CACNB4: variants seen among roughly 807,000 people sequenced by gnomAD.
CACNB4 encodes calcium voltage-gated channel auxiliary subunit beta 4.
A neutral mutation model predicts 71.2 loss-of-function variants in CACNB4; 32 were observed. That is an observed-to-expected ratio of 0.45 (90% CI 0.34 to 0.60). CACNB4 has a LOEUF of 0.60. Among genes scored for constraint, CACNB4 ranks in the 20% least tolerant of loss-of-function variants. CACNB4 has a pLI of 0.01. For synonymous variants in CACNB4, 231 were observed against 236.9 expected, an observed-to-expected ratio of 0.97 and a Z score of 0.23; for missense variants, 464 against 647.9, an observed-to-expected ratio of 0.72 and a Z score of 3.08.
chr2:152,084,479 A>C (rs948981886), intron 2 of CACNB4, among the ~76,000 whole-genome samples: 3 of 152,188 alleles, frequency 2.0e-5, no homozygotes, highest in African/African-American at 7.2e-5. Flanking sequence ...CACTTACTGG[A>C]CTCAGAAAAA....
chr2:151,883,870 A>C, intron 2 of CACNB4: 1 of 205,826 alleles, frequency 4.9e-6, no homozygotes. Context: ...ACACTATTGA[A>C]CTCTTTCACT....
intron 3 of CACNB4, among the ~76,000 whole-genome samples, chr2:151,882,579 G>GCAAA (rs112898273): frequency 0.011 from 1,610 of 152,202 alleles, 18 homozygotes; most frequent in African/African-American, 0.036. Flanking sequence ...AAATCAAAAA[G>GCAAA]CAAACAAACA....
chr2:151,973,649 C>T (rs752680467), intron 2 of CACNB4: 2 of 1,610,016 alleles, frequency 1.2e-6, no homozygotes, highest in South Asian at 2.2e-5. Flanking sequence ...AGGGAATTAG[C>T]TATCTATGAA....
At chr2:151,986,280 C>G (rs1681364902) in intron 2 of CACNB4, among the ~76,000 whole-genome samples, 1 of 152,174 alleles carries the variant, frequency 6.6e-6, no homozygotes, top group African/African-American at 2.4e-5. Flanking sequence ...ATGCCTTTTA[C>G]TTATATACCC....
chr2:151,965,737 A>AT (rs1200220744), intron 2 of CACNB4, among the ~76,000 whole-genome samples: 56 of 62,514 alleles, frequency 9.0e-4, no homozygotes, highest in East Asian at 8.0e-3. Flanking sequence ...TTTGCTTTTG[A>AT]TTTTTTTTTT....
intron 2 of CACNB4, among the ~76,000 whole-genome samples, chr2:152,082,451 G>A (rs527367131): frequency 6.6e-6 from 1 of 152,278 alleles, no homozygotes; most frequent in South Asian, 2.1e-4. Flanking sequence ...ACCCTCCATG[G>A]ATACCAAAGT....
chr2:151,922,230 G>T (rs1001577181), intron 2 of CACNB4, among the ~76,000 whole-genome samples: 7 of 152,076 alleles, frequency 4.6e-5, no homozygotes, highest in African/African-American at 1.7e-4. Context: ...TGAGATGGGG[G>T]TCTCCCTCTA....
intron 2 of CACNB4, among the ~76,000 whole-genome samples, chr2:151,993,111 T>G (rs7564177): frequency 0.54 from 81,327 of 151,348 alleles, 23,621 homozygotes; most frequent in Non-Finnish European, 0.66. Flanking sequence ...GAAAACATCT[T>G]GAATAAGGTC....
At chr2:151,996,810 G>A (rs1225038132) in intron 2 of CACNB4, among the ~76,000 whole-genome samples, 1 of 152,042 alleles carries the variant, frequency 6.6e-6, no homozygotes. Flanking sequence ...GTCTTGCCCA[G>A]GAAACTAAAG....
At chr2:152,027,953 G>T (rs1257973345) in intron 2 of CACNB4, among the ~76,000 whole-genome samples, 1 of 151,310 alleles carries the variant, frequency 6.6e-6, no homozygotes, top group Admixed American at 6.6e-5. Flanking sequence ...TCCTCAGAGA[G>T]CTTCGATTTG....
chr2:151,944,841 T>C (rs2099865185), intron 2 of CACNB4, among the ~76,000 whole-genome samples: 3 of 152,064 alleles, frequency 2.0e-5, no homozygotes, highest in Non-Finnish European at 4.4e-5. Flanking sequence ...ACTGTCTTCT[T>C]GGAAAGAAGA....
intron 2 of CACNB4, among the ~76,000 whole-genome samples, chr2:151,935,073 C>T (rs1240166272): frequency 1.3e-5 from 2 of 152,210 alleles, no homozygotes; most frequent in East Asian, 3.9e-4. Flanking sequence ...TGGAACATCA[C>T]AAGTGAGTGA....
intron 8 of CACNB4, chr2:151,870,021 A>G (rs541992885): frequency 1.8e-6 from 1 of 561,018 alleles, no homozygotes; most frequent in East Asian, 2.9e-5. Context: ...TCCAAAGTTC[A>G]CTAATGTTTT....
chr2:152,062,165 T>G (rs149157794), intron 2 of CACNB4, among the ~76,000 whole-genome samples: 46 of 152,170 alleles, frequency 3.0e-4, no homozygotes, highest in African/African-American at 9.9e-4. Flanking sequence ...TTTCCCCTAA[T>G]TTTTGGTTAA....
At chr2:151,985,612 T>C (rs1681312270) in intron 2 of CACNB4, among the ~76,000 whole-genome samples, 1 of 152,002 alleles carries the variant, frequency 6.6e-6, no homozygotes, top group East Asian at 1.9e-4. Context: ...GACCTAAGGG[T>C]CTAATTTTTT....
intron 2 of CACNB4, among the ~76,000 whole-genome samples, chr2:151,951,114 C>A (rs74554581): frequency 6.6e-6 from 1 of 151,846 alleles, no homozygotes; most frequent in Non-Finnish European, 1.5e-5. Context: ...TCAGTAGAGA[C>A]GGGGTTTCGC....
At chr2:151,943,873 C>T (rs1267149699) in intron 2 of CACNB4, among the ~76,000 whole-genome samples, 2 of 152,112 alleles carry the variant, frequency 1.3e-5, no homozygotes, top group Non-Finnish European at 2.9e-5. Context: ...TTAGAGACTC[C>T]AATTTTACCT....
At chr2:151,952,196 A>G (rs1178069711) in intron 2 of CACNB4, among the ~76,000 whole-genome samples, 1 of 152,162 alleles carries the variant, frequency 6.6e-6, no homozygotes, top group Admixed American at 6.5e-5. Context: ...GATCTAAACC[A>G]TCCACTCAGA....
intron 2 of CACNB4, among the ~76,000 whole-genome samples, chr2:151,884,467 CAAAAAAA>C (rs35007488): frequency 1.7e-5 from 2 of 117,050 alleles, no homozygotes; most frequent in Admixed American, 8.9e-5. Context: ...ACTAAAAATA[CAAAAAAA>C]AAAAAAAAAA....
Sources: gnomAD v4.1 joint callset for allele counts (sites outside exome capture counted in the v4.1 genomes callset) on GRCh38, gnomAD v4.1.1 for gene constraint, MANE v1.5 for transcripts, NCBI Gene and HGNC (gene_info 2026-07-23, HGNC 2026-07-21) for gene names.